The following ADRA1B variants were observed in gnomAD, a reference collection of about 807,000 sequenced individuals.
ADRA1B encodes the protein adrenoceptor alpha 1B.
In ADRA1B, 17 loss-of-function variants were observed where a neutral mutation model predicts 17.9. The ratio of observed to expected loss-of-function variants is 0.95; its 90% CI spans 0.65 to 1.42. The LOEUF (loss-of-function observed/expected upper bound fraction) is 1.42, where lower values mean the gene tolerates loss of function less well. ADRA1B is among the 40% of genes most tolerant of loss of function. The pLI is 0.00. For missense variants in ADRA1B, 681 were observed against 722.1 expected (o/e 0.94, Z 0.65); for synonymous variants, 366 against 327.6 (o/e 1.12, Z -1.27).
chr5:159,965,354 C>A (rs2113288888), intron 1 of ADRA1B, among the ~76,000 whole-genome samples: 2 of 152,272 alleles, frequency 1.3e-5, no homozygotes, highest in South Asian at 4.1e-4. Flanking sequence ...CGGGAACATG[C>A]ACAGGGGGTT....
chr5:159,948,100 A>G lies in ADRA1B; in HGVS notation c.950-23779A>G, dbSNP rs926658224. 3 of 985,446 alleles carry G rather than the reference A, an allele frequency of 3.0e-6. No individual in the cohort carries two copies. In the East Asian group the frequency reaches 3.4e-4, roughly 112 times the overall value. 61.0% of individuals were successfully genotyped at this position (985,446 alleles called of 1,614,324 possible). A position where few individuals can be genotyped will look rare whatever the true frequency, so the allele number is the denominator to read the frequency against. On this transcript the variant is annotated intron_variant, in intron 1 of 1. Transcript: ENST00000306675. Reference sequence around the variant, plus strand: ...CTGCAGACCGATTTTCATAGCTGAAAGTCTCTGTACCTTCATCCTCAATCC... The same window carrying G: ...CTGCAGACCGATTTTCATAGCTGAAGGTCTCTGTACCTTCATCCTCAATCC...
At chr5:159,928,217 G>A (rs1754713082) in intron 1 of ADRA1B, among the ~76,000 whole-genome samples, 1 of 152,250 alleles carries the variant, frequency 6.6e-6, no homozygotes, top group East Asian at 1.9e-4. Flanking sequence ...TGTGTTTTAA[G>A]GACTTGTAAG....
chr5:159,947,825 A>G, intron 1 of ADRA1B: 1 of 985,414 alleles, frequency 1.0e-6, no homozygotes, highest in Non-Finnish European at 1.2e-6. Flanking sequence ...TTGCATCACC[A>G]TATTATCCGT....
the ADRA1B span, among the ~76,000 whole-genome samples, chr5:159,989,034 G>A: frequency 6.6e-6 from 1 of 152,190 alleles, no homozygotes; most frequent in Non-Finnish European, 1.5e-5. Flanking sequence ...CCTAGAAATG[G>A]ATTTTTTTGA....
Position 159,972,498 on chromosome 5 carries a change from C to G in ADRA1B, c.*6C>G, listed in dbSNP as rs1198906912. 3 of 1,169,192 alleles carry G rather than the reference C, an allele frequency of 2.6e-6. No homozygotes were observed. The African/African-American group carries it at 5.1e-5, about 20-fold the overall frequency. 72.4% of individuals were successfully genotyped at this position (1,169,192 alleles called of 1,614,324 possible). On this transcript the variant is annotated 3_prime_UTR_variant, in exon 2 of 2. Coordinates refer to ENST00000306675, the MANE Select transcript of ADRA1B (RefSeq NM_000679.4). ...TGGCGCCCGGGCAGTTTTAGGGCCC[C>G]CGTGCGCAGCTTTCTTTCCCTGGGG... is the stretch of plus-strand genomic sequence containing the variant.
At chr5:159,894,134 G>T (rs1400936119) in intron 1 of ADRA1B, among the ~76,000 whole-genome samples, 1 of 152,200 alleles carries the variant, frequency 6.6e-6, no homozygotes, top group African/African-American at 2.4e-5. Context: ...ACAGGCTGTG[G>T]TGCCCCGCAG....
the ADRA1B span, among the ~76,000 whole-genome samples, chr5:159,987,082 C>A: frequency 2.4e-4 from 36 of 152,328 alleles, no homozygotes; most frequent in African/African-American, 8.4e-4. Flanking sequence ...CACCCTGCCC[C>A]CAGCGGCGGG....
intron 1 of ADRA1B, among the ~76,000 whole-genome samples, chr5:159,900,908 C>T (rs917945256): frequency 1.3e-5 from 2 of 152,152 alleles, no homozygotes; most frequent in African/African-American, 4.8e-5. Context: ...CCATGATGGT[C>T]ACAAGAATGT....
chr5:159,882,298 G>A (rs960590164), intron 1 of ADRA1B, among the ~76,000 whole-genome samples: 1 of 152,208 alleles, frequency 6.6e-6, no homozygotes, highest in African/African-American at 2.4e-5. Context: ...CAAAAGAGGA[G>A]GTAGCAGGAA....
In ADRA1B at chr5:159,953,121, G is replaced by A. The variant is rs570314994; in HGVS notation, c.950-18758G>A. Reference sequence around the variant, plus strand: ...CACATCTGTAATCCCAGCACTTTGGGAGGCCAAGGCAGGTGGATCACCTGA... The same window carrying A: ...CACATCTGTAATCCCAGCACTTTGGAAGGCCAAGGCAGGTGGATCACCTGA... On this transcript the variant is annotated intron_variant, in intron 1 of 1. Transcript: ENST00000306675. Among the ~76,000 whole-genome samples the A allele has an allele frequency of 7.9e-5, 12 of 152,286 alleles. No homozygotes were observed. In the South Asian group the frequency reaches 2.5e-3, roughly 32 times the overall value.
At chr5:159,874,088 C>T (rs1258025644) in intron 1 of ADRA1B, among the ~76,000 whole-genome samples, 2 of 152,172 alleles carry the variant, frequency 1.3e-5, no homozygotes, top group Non-Finnish European at 2.9e-5. Context: ...GGTCTTCTCT[C>T]TAGAGGTAAC....
intron 1 of ADRA1B, among the ~76,000 whole-genome samples, chr5:159,889,304 C>T (rs767450654): frequency 6.6e-6 from 1 of 152,152 alleles, no homozygotes; most frequent in Non-Finnish European, 1.5e-5. Flanking sequence ...CATAGTTCTC[C>T]AATTCAAGGT....
At chr5:159,932,901 C>T (rs758734327) in intron 1 of ADRA1B, among the ~76,000 whole-genome samples, 14 of 152,184 alleles carry the variant, frequency 9.2e-5, no homozygotes, top group Middle Eastern at 3.4e-3. Context: ...CATGGAAAGA[C>T]ATTGTAGGTT....
chr5:159,978,000 G>T (rs1400543891), downstream of ADRA1B, among the ~76,000 whole-genome samples: 2 of 151,994 alleles, frequency 1.3e-5, no homozygotes, highest in Non-Finnish European at 1.5e-5. Flanking sequence ...CAGGTTAAAA[G>T]TGACTTCCCT....
intron 1 of ADRA1B, among the ~76,000 whole-genome samples, chr5:159,931,688 C>T (rs1484672707): frequency 6.6e-6 from 1 of 152,190 alleles, no homozygotes; most frequent in East Asian, 1.9e-4. Context: ...TTATTGCTCA[C>T]AGTTCTGGAG....
At chr5:159,970,049 T>C (rs538617513) in intron 1 of ADRA1B, among the ~76,000 whole-genome samples, 1 of 152,352 alleles carries the variant, frequency 6.6e-6, no homozygotes, top group South Asian at 2.1e-4. Context: ...TCAGCTGACT[T>C]ATATTTAAAA....
intron 1 of ADRA1B, among the ~76,000 whole-genome samples, chr5:159,955,643 T>C (rs1305931663): frequency 6.6e-6 from 1 of 152,222 alleles, no homozygotes; most frequent in East Asian, 1.9e-4. Context: ...CAGTGCTGTG[T>C]GGCCTGTTTG....
At chr5:159,921,087 G>A (rs1187078327) in intron 1 of ADRA1B, among the ~76,000 whole-genome samples, 2 of 152,186 alleles carry the variant, frequency 1.3e-5, no homozygotes, top group South Asian at 4.1e-4. Flanking sequence ...CTGTTCAGGG[G>A]CCCCATTTGT....
chr5:159,872,278 C>T (rs1457563152), intron 1 of ADRA1B, among the ~76,000 whole-genome samples: 1 of 152,172 alleles, frequency 6.6e-6, no homozygotes, highest in African/African-American at 2.4e-5. Flanking sequence ...GCAGCTGCTG[C>T]TGGGGACACC....
Sources: allele counts gnomAD v4.1 joint callset (sites outside exome capture counted in the v4.1 genomes callset), GRCh38; gene constraint gnomAD v4.1.1; transcripts MANE v1.5; gene names NCBI Gene and HGNC (gene_info 2026-07-23, HGNC 2026-07-21).